Variants in GASK1B observed in about 807,000 individuals in gnomAD.
GASK1B encodes golgi associated kinase 1B.
Under a neutral mutation model 42.8 loss-of-function variants are expected in GASK1B, and 34 were observed. The ratio of observed to expected loss-of-function variants is 0.79; its 90% CI spans 0.60 to 1.06. The LOEUF (loss-of-function observed/expected upper bound fraction) is 1.06, where lower values mean the gene tolerates loss of function less well. Among genes scored for constraint, GASK1B ranks in the 50% least tolerant of loss-of-function variants. The pLI is 0.00. For missense variants in GASK1B, 686 were observed against 661.0 expected, an observed-to-expected ratio of 1.04 and a Z score of -0.42; for synonymous variants, 262 against 259.1, an observed-to-expected ratio of 1.01 and a Z score of -0.11.
intron 3 of GASK1B, among the ~76,000 whole-genome samples, chr4:158,133,064 G>T (rs566161624): frequency 6.6e-6 from 1 of 152,096 alleles, no homozygotes; most frequent in Non-Finnish European, 1.5e-5. Context: ...GTCATTTTAC[G>T]CAGTACCTTC....
intron 2 of GASK1B, among the ~76,000 whole-genome samples, chr4:158,156,683 C>G (rs1731772940): frequency 6.6e-6 from 1 of 152,152 alleles, no homozygotes; most frequent in South Asian, 2.1e-4. Context: ...TAACATCATT[C>G]CCAAGCCCCC....
chr4:158,139,376 C>T (rs540003615), intron 3 of GASK1B, among the ~76,000 whole-genome samples: 1 of 152,176 alleles, frequency 6.6e-6, no homozygotes, highest in Non-Finnish European at 1.5e-5. Flanking sequence ...AAACAGAATG[C>T]AGATAGCTAT....
chr4:158,159,033 C>A (rs1731865967), intron 2 of GASK1B, among the ~76,000 whole-genome samples: 1 of 152,044 alleles, frequency 6.6e-6, no homozygotes, highest in South Asian at 2.1e-4. Context: ...CTATACTAAT[C>A]ATTAAAAAGG....
At chr4:158,137,168 C>T (rs1050334642) in intron 3 of GASK1B, among the ~76,000 whole-genome samples, 1 of 152,106 alleles carries the variant, frequency 6.6e-6, no homozygotes, top group African/African-American at 2.4e-5. Context: ...AATTAACTAA[C>T]CATGGATAAC....
chr4:158,143,475 A>G (rs898479749), intron 3 of GASK1B, among the ~76,000 whole-genome samples: 2 of 152,186 alleles, frequency 1.3e-5, no homozygotes, highest in Non-Finnish European at 1.5e-5. Context: ...CAGTTGGGGA[A>G]GACCAAAGAC....
rs150116572 is a variant in GASK1B, at chr4:158,150,036, C to T, written c.1125+5575G>A. ...GCCTCCCCAGGTTCACGCCATTCTC[C>T]TGCCTCAGCCTCCCAAGTAACTGGC... On this transcript the variant is annotated intron_variant, in intron 3 of 4. Transcript: ENST00000585682. Among the ~76,000 whole-genome samples, 627 of 148,542 alleles carry T rather than the reference C, an allele frequency of 4.2e-3. 3 individuals carry two copies. Among genetic ancestry groups the T allele is most frequent in the African/African-American group, 0.015 (599 of 40,732 alleles).
intron 3 of GASK1B, among the ~76,000 whole-genome samples, chr4:158,137,461 A>C (rs958372231): frequency 6.6e-6 from 1 of 152,214 alleles, no homozygotes; most frequent in Non-Finnish European, 1.5e-5. Flanking sequence ...GCAAAAACAC[A>C]TGGACTTATT....
At chr4:158,131,884 A>C (rs564759624) in intron 3 of GASK1B, among the ~76,000 whole-genome samples, 1 of 152,260 alleles carries the variant, frequency 6.6e-6, no homozygotes, top group South Asian at 2.1e-4. Flanking sequence ...TTTACCTCGA[A>C]CACCTGGTAG....
chr4:158,161,544 A>G (rs1732005969), intron 2 of GASK1B, among the ~76,000 whole-genome samples: 1 of 152,224 alleles, frequency 6.6e-6, no homozygotes, highest in Non-Finnish European at 1.5e-5. Context: ...CTCCTCTGAA[A>G]ACAAGGCATT....
intron 3 of GASK1B, among the ~76,000 whole-genome samples, chr4:158,151,215 T>G (rs1489184389): frequency 1.3e-5 from 2 of 152,200 alleles, no homozygotes; most frequent in African/African-American, 4.8e-5. Context: ...TTATAAAATG[T>G]GAGGAGTCAC....
At chr4:158,161,007 A>C (rs1731969240) in intron 2 of GASK1B, among the ~76,000 whole-genome samples, 1 of 152,152 alleles carries the variant, frequency 6.6e-6, no homozygotes, top group Non-Finnish European at 1.5e-5. Flanking sequence ...TTTCGGTTAG[A>C]CAGGAGGGAT....
chr4:158,161,876 C>T (rs1475094571), intron 2 of GASK1B, among the ~76,000 whole-genome samples: 1 of 152,158 alleles, frequency 6.6e-6, no homozygotes, highest in Non-Finnish European at 1.5e-5. Flanking sequence ...TGACATCACT[C>T]CCTTTCTTCA....
chr4:158,168,565 A>T (rs986134732), intron 2 of GASK1B: 1 of 152,162 alleles, frequency 6.6e-6, no homozygotes, highest in South Asian at 2.1e-4. Flanking sequence ...AACTAACAAC[A>T]ATCTCATATG....
At chr4:158,132,005 C>G (rs1730702582) in intron 3 of GASK1B, among the ~76,000 whole-genome samples, 1 of 152,150 alleles carries the variant, frequency 6.6e-6, no homozygotes, top group Non-Finnish European at 1.5e-5. Flanking sequence ...TACATACCAT[C>G]CAAAGTTATT....
At chr4:158,165,554 A>T (rs2111016840) in intron 2 of GASK1B, among the ~76,000 whole-genome samples, 1 of 152,340 alleles carries the variant, frequency 6.6e-6, no homozygotes, top group Admixed American at 6.5e-5. Flanking sequence ...ATACATCAAT[A>T]CTGCACTTGA....
At position 158,170,920 on chromosome 4, in the gene GASK1B, C is replaced by T. The variant is rs957966029; in HGVS notation, c.456G>A (p.Pro152=). 4 of 1,614,190 alleles carry T rather than the reference C, an allele frequency of 2.5e-6. No individual in the cohort carries two copies. Among genetic ancestry groups the T allele is most frequent in the South Asian group, 2.2e-5 (2 of 91,084 alleles). ...CATCAGCTTCCCTTGCCGCTTCCTG[C>T]GGCTGAAGGGATGGTCCGACCAAAG... ...QEALVGPSLQ[P]QEAAREADAV... is the part of the protein sequence containing the mutation. Residue 152 remains proline, a synonymous_variant, in exon 2 of 5, where the codon CCG becomes CCA. Coordinates refer to ENST00000585682, the MANE Select transcript of GASK1B (RefSeq NM_001128424.2).
At chr4:158,164,278 C>T (rs1732143294) in intron 2 of GASK1B, among the ~76,000 whole-genome samples, 2 of 152,170 alleles carry the variant, frequency 1.3e-5, no homozygotes, top group Admixed American at 1.3e-4. Context: ...CTATAGAAGA[C>T]GATAGATTGC....
At chr4:158,131,688 T>C (rs1443623629) in intron 3 of GASK1B, among the ~76,000 whole-genome samples, 2 of 152,154 alleles carry the variant, frequency 1.3e-5, no homozygotes, top group Admixed American at 1.3e-4. Flanking sequence ...AACTGTTTAA[T>C]TCCATTTCCA....
chr4:158,141,977 G>A (rs1490259020), intron 3 of GASK1B, among the ~76,000 whole-genome samples: 1 of 103,132 alleles, frequency 9.7e-6, no homozygotes, highest in Non-Finnish European at 1.9e-5. Context: ...TCGCTCTGTC[G>A]CCCAGGCCGG....
Sources: allele counts gnomAD v4.1 joint callset (sites outside exome capture counted in the v4.1 genomes callset), GRCh38; gene constraint gnomAD v4.1.1; transcripts MANE v1.5; gene names NCBI Gene and HGNC (gene_info 2026-07-23, HGNC 2026-07-21).